Variants in ATP6V0E1 observed in about 807,000 individuals in gnomAD.
The protein encoded by ATP6V0E1 is ATPase H+ transporting V0 subunit e1.
ATP6V0E1 carries 4 observed loss-of-function variants against 11.6 expected under a neutral mutation model. The observed-to-expected ratio is 0.35, with a 90% CI of 0.17 to 0.79. The LOEUF is 0.79. Among genes scored for constraint, ATP6V0E1 ranks in the 30% least tolerant of loss-of-function variants. The pLI, the probability that ATP6V0E1 is intolerant of heterozygous loss-of-function variation, is 0.54. For synonymous variants in ATP6V0E1, 36 were observed against 34.8 expected, an observed-to-expected ratio of 1.04 and a Z score of -0.13; for missense variants, 105 against 100.0, an observed-to-expected ratio of 1.05 and a Z score of -0.21.
intron 2 of ATP6V0E1, among the ~76,000 whole-genome samples, chr5:173,016,344 T>G (rs1170587590): frequency 6.6e-6 from 1 of 152,192 alleles, no homozygotes; most frequent in Non-Finnish European, 1.5e-5. Context: ...TCCCCACACA[T>G]TTGGCTGTAG....
chr5:172,997,686 G>T (rs1304390212), intron 2 of ATP6V0E1, among the ~76,000 whole-genome samples: 1 of 152,110 alleles, frequency 6.6e-6, no homozygotes, highest in Non-Finnish European at 1.5e-5. Flanking sequence ...GGTGGTGGGT[G>T]CCTGTAGTCC....
intron 3 of ATP6V0E1, among the ~76,000 whole-genome samples, chr5:173,029,848 T>A (rs1756623026): frequency 6.6e-6 from 1 of 152,198 alleles, no homozygotes; most frequent in Non-Finnish European, 1.5e-5. Flanking sequence ...AGCTCTGACT[T>A]GACTGTCAAG....
At chr5:173,000,404 T>C (rs1181141096) in intron 2 of ATP6V0E1, among the ~76,000 whole-genome samples, 1 of 152,202 alleles carries the variant, frequency 6.6e-6, no homozygotes, top group Non-Finnish European at 1.5e-5. Flanking sequence ...TTGAATTATA[T>C]TGTTGTTTAC....
chr5:172,990,817 ACT>A (rs1438954749), intron 1 of ATP6V0E1, among the ~76,000 whole-genome samples: 1 of 148,492 alleles, frequency 6.7e-6, no homozygotes, highest in Non-Finnish European at 1.5e-5. Context: ...ACAGAGCGAT[ACT>A]CTGTCTCAAA....
intron 1 of ATP6V0E1, chr5:172,986,972 G>A (rs541241377): frequency 4.0e-6 from 1 of 252,984 alleles, no homozygotes; most frequent in Admixed American, 5.2e-5. Flanking sequence ...ATTTTTAGTA[G>A]AGACGGGATT....
At chr5:172,992,929 C>G (rs1756008240) in intron 1 of ATP6V0E1, among the ~76,000 whole-genome samples, 1 of 152,084 alleles carries the variant, frequency 6.6e-6, no homozygotes, top group Non-Finnish European at 1.5e-5. Context: ...TCCTGAGCAG[C>G]TGGGATTACA....
intron 2 of ATP6V0E1, among the ~76,000 whole-genome samples, chr5:173,017,331 C>T (rs780071756): frequency 1.9e-4 from 28 of 147,918 alleles, no homozygotes; most frequent in South Asian, 2.2e-4. Flanking sequence ...ATCAGGAGTG[C>T]GAGACCAGCC....
At chr5:173,018,679 C>T (rs190750347) in intron 2 of ATP6V0E1, among the ~76,000 whole-genome samples, 2 of 150,928 alleles carry the variant, frequency 1.3e-5, no homozygotes, top group East Asian at 3.9e-4. Flanking sequence ...ACCTGACATT[C>T]TATTATGTAA....
At chr5:173,008,176 C>A (rs1198232186) in intron 2 of ATP6V0E1, among the ~76,000 whole-genome samples, 1 of 152,108 alleles carries the variant, frequency 6.6e-6, no homozygotes, top group South Asian at 2.1e-4. Flanking sequence ...TATCACAGAG[C>A]ACACATTGAA....
chr5:173,019,427 C>T (rs184081179), intron 2 of ATP6V0E1, among the ~76,000 whole-genome samples: 2,217 of 152,060 alleles, frequency 0.015, 21 homozygotes, highest in South Asian at 0.035. Context: ...TGGTGGCGGG[C>T]GCCTGTAGTC....
chr5:172,987,080 C>G lies in ATP6V0E1; in HGVS notation c.104+3116C>G, dbSNP rs182615701. On this transcript the variant is annotated intron_variant, in intron 1 of 3. Transcript: ENST00000519374. Reference sequence around the variant, plus strand: ...GAATTACAGGCATGAGCCACCACGCCCGGCTGGAAGATACATTTTTTAAAC... The same window carrying G: ...GAATTACAGGCATGAGCCACCACGCGCGGCTGGAAGATACATTTTTTAAAC... 30 of 193,268 alleles carry G rather than the reference C, an allele frequency of 1.6e-4. No individual in the cohort carries two copies. The East Asian group carries it at 5.1e-3, about 33-fold the overall frequency. The allele number at this position is 193,268 out of a possible 1,614,324, so 12.0% of individuals were successfully genotyped here. A position where few individuals can be genotyped will look rare whatever the true frequency, so the allele number is the denominator to read the frequency against.
chr5:173,010,679 C>A (rs1421529162), intron 2 of ATP6V0E1, among the ~76,000 whole-genome samples: 2 of 152,182 alleles, frequency 1.3e-5, no homozygotes, highest in Admixed American at 1.3e-4. Flanking sequence ...TGCATTTCTG[C>A]TGTCTCTTAA....
chr5:173,032,527 G>A (rs566695812), intron 3 of ATP6V0E1, among the ~76,000 whole-genome samples: 2 of 152,134 alleles, frequency 1.3e-5, no homozygotes, highest in African/African-American at 2.4e-5. Flanking sequence ...CTGACCTCAA[G>A]TGATCCACCT....
At chr5:173,030,546 T>G (rs1462155436) in intron 3 of ATP6V0E1, among the ~76,000 whole-genome samples, 3 of 151,856 alleles carry the variant, frequency 2.0e-5, no homozygotes, top group Non-Finnish European at 2.9e-5. Context: ...GTTCAAGTGA[T>G]TCTCGTGCCT....
chr5:173,004,697 A>G (rs1324021368), intron 2 of ATP6V0E1, among the ~76,000 whole-genome samples: 1 of 152,304 alleles, frequency 6.6e-6, no homozygotes, highest in East Asian at 1.9e-4. Context: ...TGTTGAACTT[A>G]GTTTTTATAT....
At chr5:172,999,722 T>C (rs1756123492) in intron 2 of ATP6V0E1, among the ~76,000 whole-genome samples, 1 of 152,196 alleles carries the variant, frequency 6.6e-6, no homozygotes, top group Admixed American at 6.5e-5. Flanking sequence ...GTTCCCAAAT[T>C]CTGGTGACTT....
At chr5:172,996,510 C>T (rs898229541) in intron 2 of ATP6V0E1, among the ~76,000 whole-genome samples, 24 of 151,172 alleles carry the variant, frequency 1.6e-4, no homozygotes, top group Non-Finnish European at 2.9e-4. Flanking sequence ...TGCAGTGAGC[C>T]GAGATTGCAC....
chr5:173,006,348 C>T (rs1013251869), intron 2 of ATP6V0E1, among the ~76,000 whole-genome samples: 1 of 152,132 alleles, frequency 6.6e-6, no homozygotes, highest in Non-Finnish European at 1.5e-5. Flanking sequence ...CGATGGCTCA[C>T]GCCTGTAATC....
rs965702061 is a variant in ATP6V0E1, at chr5:172,999,768, A to G, written c.152+4946A>G. 2.0e-5 allele frequency among the ~76,000 whole-genome samples: 3 copies of G among 152,212 alleles called. 1 individual carries two copies. The highest frequency in any genetic ancestry group is 7.2e-5 in the African/African-American group (3 of 41,444). ...AGTGGATCAGCACTGTTAGTGGTGT[A>G]TTAATAAAGGTGGTACACAGTGTTC... On this transcript the variant is annotated intron_variant, in intron 2 of 3. Coordinates refer to ENST00000519374, the MANE Select transcript of ATP6V0E1 (RefSeq NM_003945.4).
Sources: gnomAD v4.1 joint callset for allele counts (sites outside exome capture counted in the v4.1 genomes callset) on GRCh38, gnomAD v4.1.1 for gene constraint, MANE v1.5 for transcripts, NCBI Gene and HGNC (gene_info 2026-07-23, HGNC 2026-07-21) for gene names.